The following RANBP2 variants were observed in gnomAD, a reference collection of about 807,000 sequenced individuals.
RANBP2 encodes the protein E3 SUMO-protein ligase RanBP2.
RANBP2 carries 57 observed loss-of-function variants against 303.6 expected under a neutral mutation model. That is an observed-to-expected ratio of 0.19 (90% CI 0.15 to 0.23). The LOEUF is 0.23. Ranked by LOEUF, RANBP2 falls within the 10% of genes least tolerant of loss-of-function variation. The pLI is 1.00. For synonymous variants in RANBP2, 1,167 were observed against 1,301.5 expected (o/e 0.90, Z 2.23); for missense variants, 3,138 against 3,780.8 (o/e 0.83, Z 4.46).
chr2:109,105,854 CTT>C, the RANBP2 span, among the ~76,000 whole-genome samples: 72 of 124,894 alleles, frequency 5.8e-4, no homozygotes, highest in Non-Finnish European at 6.1e-4. Context: ...CGCGCCTGGT[CTT>C]TTTTTTTTTT....
At chr2:109,336,433 C>T in the RANBP2 span, among the ~76,000 whole-genome samples, 2 of 152,202 alleles carry the variant, frequency 1.3e-5, no homozygotes, top group Non-Finnish European at 2.9e-5. Flanking sequence ...AGGGAAGCTG[C>T]CACCAATAAG....
chr2:109,532,791 G>A, the RANBP2 span, among the ~76,000 whole-genome samples: 71 of 152,198 alleles, frequency 4.7e-4, no homozygotes, highest in Middle Eastern at 3.4e-3. Flanking sequence ...AGACTTAAAT[G>A]CATGATGCAG....
At chr2:109,235,916 C>CT in the RANBP2 span, among the ~76,000 whole-genome samples, 1 of 152,106 alleles carries the variant, frequency 6.6e-6, no homozygotes. Flanking sequence ...ACTGCCCTTA[C>CT]TTTAAGAGGC....
intron 1 of RANBP2, among the ~76,000 whole-genome samples, chr2:108,728,338 C>G (rs3856399): frequency 3.2e-4 from 49 of 152,236 alleles, no homozygotes; most frequent in Middle Eastern, 6.8e-3. Context: ...GTGTCACCCA[C>G]GCTGGAGTGC....
chr2:109,480,908 G>T, the RANBP2 span, among the ~76,000 whole-genome samples: 2 of 152,202 alleles, frequency 1.3e-5, no homozygotes, highest in Non-Finnish European at 2.9e-5. Flanking sequence ...TGTCTTAAAA[G>T]AATGTCTAGA....
chr2:108,728,294 T>C (rs2149093893), intron 1 of RANBP2, among the ~76,000 whole-genome samples: 1 of 152,242 alleles, frequency 6.6e-6, no homozygotes, highest in African/African-American at 2.4e-5. Flanking sequence ...TTTTTGTATG[T>C]TATGTATTTA....
the RANBP2 span, among the ~76,000 whole-genome samples, chr2:109,450,037 A>G: frequency 8.5e-5 from 13 of 152,150 alleles, no homozygotes; most frequent in African/African-American, 3.1e-4. Context: ...TTAGCCATGA[A>G]GTGCTGATTT....
At chr2:109,459,198 TAA>T in the RANBP2 span, among the ~76,000 whole-genome samples, 6 of 152,080 alleles carry the variant, frequency 3.9e-5, no homozygotes, top group Non-Finnish European at 7.4e-5. Context: ...CATGGTGAGA[TAA>T]GAGAGAGAAG....
chr2:108,924,893 G>A, the RANBP2 span, among the ~76,000 whole-genome samples: 1 of 152,244 alleles, frequency 6.6e-6, no homozygotes, highest in Admixed American at 6.5e-5. Flanking sequence ...TCACGGGCAT[G>A]TGGGCCAGAC....
the RANBP2 span, among the ~76,000 whole-genome samples, chr2:109,644,440 A>G: frequency 1.1e-4 from 16 of 152,210 alleles, no homozygotes; most frequent in South Asian, 2.1e-4. Context: ...GGCGGTTCCA[A>G]TGGTATTGAA....
chr2:109,615,176 C>T, the RANBP2 span: 1 of 1,548,958 alleles, frequency 6.5e-7, no homozygotes, highest in East Asian at 2.4e-5. Flanking sequence ...GCCCGGGCAG[C>T]TCCTCCGGGG....
chr2:109,472,902 TTCTG>T, the RANBP2 span, among the ~76,000 whole-genome samples: 1 of 152,174 alleles, frequency 6.6e-6, no homozygotes, highest in Non-Finnish European at 1.5e-5. Context: ...AGCCTCTTAT[TTCTG>T]TCTGTCCTAC....
At chr2:108,722,852 C>G (rs1368282769) in intron 1 of RANBP2, among the ~76,000 whole-genome samples, 1 of 151,704 alleles carries the variant, frequency 6.6e-6, no homozygotes, top group Non-Finnish European at 1.5e-5. Flanking sequence ...GATTGCACCA[C>G]TGCACTCCAG....
intron 24 of RANBP2, 142 bp downstream of exon 24, chr2:108,776,078 A>G (rs1677873832): frequency 4.5e-6 from 3 of 666,634 alleles, no homozygotes; most frequent in East Asian, 2.7e-5. Context: ...AGTAGTAGTA[A>G]TAATAACCAG....
At chr2:109,229,699 A>T in the RANBP2 span, among the ~76,000 whole-genome samples, 7 of 152,306 alleles carry the variant, frequency 4.6e-5, no homozygotes, top group African/African-American at 1.7e-4. Context: ...TGGTGACTAC[A>T]TCTAGGTACC....
At chr2:109,177,191 A>T in the RANBP2 span, among the ~76,000 whole-genome samples, 13 of 152,256 alleles carry the variant, frequency 8.5e-5, no homozygotes, top group African/African-American at 3.1e-4. Flanking sequence ...AATAAGGGGG[A>T]CTGTGTTTTC....
chr2:109,491,934 G>A, the RANBP2 span, among the ~76,000 whole-genome samples: 1 of 152,156 alleles, frequency 6.6e-6, no homozygotes. Flanking sequence ...TGCCAGGTGG[G>A]GAATGAGACG....
the RANBP2 span, among the ~76,000 whole-genome samples, chr2:109,485,510 T>C: frequency 6.6e-6 from 1 of 152,232 alleles, no homozygotes; most frequent in Admixed American, 6.5e-5. Context: ...AATGTTCTAC[T>C]AAACAGTTAA....
the RANBP2 span, among the ~76,000 whole-genome samples, chr2:109,406,820 A>C: frequency 6.6e-6 from 1 of 152,152 alleles, no homozygotes; most frequent in African/African-American, 2.4e-5. Flanking sequence ...GCTACATGGA[A>C]GCCTCTGCTC....
Sources: gnomAD v4.1 joint callset for allele counts (sites outside exome capture counted in the v4.1 genomes callset) on GRCh38, gnomAD v4.1.1 for gene constraint, MANE v1.5 for transcripts, NCBI Gene and HGNC (gene_info 2026-07-23, HGNC 2026-07-21) for gene names.